The following UBR4 variants were observed in gnomAD, a reference collection of about 807,000 sequenced individuals.
UBR4 encodes the protein ubiquitin protein ligase E3 component n-recognin 4.
In UBR4, 124 loss-of-function variants were observed where a neutral mutation model predicts 575.6. That is an observed-to-expected ratio of 0.22 (90% CI 0.19 to 0.25). UBR4 has a LOEUF of 0.25. UBR4 is among the 10% of genes least tolerant of loss of function. The pLI, the probability that UBR4 is intolerant of heterozygous loss-of-function variation, is 1.00. For missense variants in UBR4, 4,818 were observed against 6,478.8 expected (o/e 0.74, Z 8.80); for synonymous variants, 2,455 against 2,473.7 (o/e 0.99, Z 0.22).
At position 19,127,639 on chromosome 1, in the gene UBR4, T is replaced by C. The variant is rs1243876853; in HGVS notation, c.9212A>G (p.Lys3071Arg). The C allele has an allele frequency of 1.2e-6, 2 of 1,614,122 alleles. No individual in the cohort carries two copies. The highest frequency in any genetic ancestry group is 1.7e-6 in the Non-Finnish European group (2 of 1,179,984). ...CAAAAATACCTCACATATGGAAGAC[T>C]TGGATCCAGATTTGGTGCGGGACAT... ...VFMSRTKSGS[K>R]SSICESSSLI... The change falls in exon 63 of 106, where the codon AAG becomes AGG. Residue 3071 changes from lysine to arginine, a missense_variant. By Grantham distance (26) the Lys-to-Arg change is conservative. Coordinates refer to ENST00000375254, the MANE Select transcript of UBR4 (RefSeq NM_020765.3).
Position 19,093,298 on chromosome 1 carries a change from G to A in UBR4, c.14111+15C>T, listed in dbSNP as rs201673365. The A allele has an allele frequency of 6.5e-5, 104 of 1,610,386 alleles. No homozygotes were observed. Among genetic ancestry groups the A allele is most frequent in the African/African-American group, 2.0e-4 (15 of 74,920 alleles). On this transcript the variant is annotated intron_variant, in intron 96 of 105. Transcript: ENST00000375254. The surrounding 1 kb of genome is among the most constrained non-coding windows in gnomAD (Gnocchi z 4.8). Reference sequence around the variant, plus strand: ...AGCGAAGGCAAAGCAGCCCCGCTGCGGGAGGGCTTCATACTTCTTGGCGCT... The same window carrying A: ...AGCGAAGGCAAAGCAGCCCCGCTGCAGGAGGGCTTCATACTTCTTGGCGCT...
In UBR4 at chr1:19,117,846, T is replaced by A. The variant is rs574807232; in HGVS notation, c.10606A>T (p.Asn3536Tyr). The A allele has an allele frequency of 6.2e-7, 1 of 1,614,192 alleles. No individual in the cohort carries two copies. The highest frequency in any genetic ancestry group is 1.3e-5 in the African/African-American group (1 of 75,040). ...YLESDPCLVC[N>Y]NPEVPFCYIK... ...ACACAGAACGGTACTTCCGGGTTAT[T>A]ACACACCAGGCAGGGATCGCTCTCC... The change falls in exon 72 of 106, where the codon AAT becomes TAT. Residue 3536 changes from asparagine (N) to tyrosine (Y), a missense_variant. This residue lies in a region of UBR4 where 550 missense variants were observed against 791.5 expected (regional missense o/e 0.69). Coordinates refer to ENST00000375254, the MANE Select transcript of UBR4 (RefSeq NM_020765.3). The surrounding 1 kb of genome is among the most constrained non-coding windows in gnomAD (Gnocchi z 4.0).
Position 19,110,330 on chromosome 1 carries a change from G to A in UBR4, c.11977+50C>T. The A allele has an allele frequency of 6.2e-7, 1 of 1,613,698 alleles. No homozygotes were observed. The highest frequency in any genetic ancestry group is 8.5e-7 in the Non-Finnish European group (1 of 1,179,738). On this transcript the variant is annotated intron_variant, in intron 80 of 105. Coordinates refer to ENST00000375254, the MANE Select transcript of UBR4 (RefSeq NM_020765.3). This position sits in a 1 kb window ranked among gnomAD's most constrained non-coding sequence, Gnocchi z 4.5. ...CCTCCTCCCCTCCCAGTCCGGCCAG[G>A]ACTGCTCCTTTGAGCCTCCTTTCCT... is the stretch of plus-strand genomic sequence containing the variant.
At chr1:19,096,267 G>T (rs1208883034) in intron 92 of UBR4, among the ~76,000 whole-genome samples, 3 of 152,142 alleles carry the variant, frequency 2.0e-5, no homozygotes, top group African/African-American at 7.2e-5. Flanking sequence ...GTTAACACAA[G>T]TGCAGCTATT....
chr1:19,156,245 A>G (rs372251012), intron 42 of UBR4, 26 bp downstream of exon 42: 92 of 1,611,394 alleles, frequency 5.7e-5, no homozygotes, highest in Non-Finnish European at 7.3e-5. Context: ...TTCTAGGACC[A>G]TATCATCAAA....
intron 90 of UBR4, among the ~76,000 whole-genome samples, chr1:19,099,301 C>A (rs2078379705): frequency 6.6e-6 from 1 of 152,204 alleles, no homozygotes; most frequent in East Asian, 1.9e-4. Flanking sequence ...AGCACAGAGC[C>A]TCCTTCGACA....
At chr1:19,197,375 T>C in intron 7 of UBR4, 110 bp from the exon 8 acceptor site, 1 of 1,468,116 alleles carries the variant, frequency 6.8e-7, no homozygotes, top group Admixed American at 1.9e-5. Flanking sequence ...ACGCCTATAA[T>C]TCCGACACTT....
intron 9 of UBR4, 38 bp downstream of exon 9, chr1:19,193,392 TGAA>T: frequency 6.2e-7 from 1 of 1,606,080 alleles, no homozygotes; most frequent in Admixed American, 1.7e-5. Context: ...CTCCCTCATT[TGAA>T]CAATCAAGGT....
At chr1:19,171,508 G>A (rs1391938611) in intron 25 of UBR4, among the ~76,000 whole-genome samples, 2 of 152,154 alleles carry the variant, frequency 1.3e-5, no homozygotes, top group African/African-American at 4.8e-5. Context: ...GACAAGGTTA[G>A]TTAAGTCTGA....
At position 19,093,605 on chromosome 1, in the gene UBR4, GACA is replaced by G. The variant is rs1475917654; in HGVS notation, c.13938-122_13938-120del. On this transcript the variant is annotated intron_variant, in intron 95 of 105. Coordinates refer to ENST00000375254, the MANE Select transcript of UBR4 (RefSeq NM_020765.3). This position sits in a 1 kb window ranked among gnomAD's most constrained non-coding sequence, Gnocchi z 4.8. ...AGATCAAGGCTAAATTCCCTAACGT[GACA>G]CAAAGACCTATCTGCCCCGGCTCCT... 10 of 1,125,344 alleles carry G rather than the reference GACA, an allele frequency of 8.9e-6. No homozygotes were observed. Among genetic ancestry groups the G allele is most frequent in the African/African-American group, 1.6e-5 (1 of 63,744 alleles). The allele number at this position is 1,125,344 out of a possible 1,614,324, so 69.7% of individuals were successfully genotyped here.
At chr1:19,131,405 A>C (rs2082437683) in intron 60 of UBR4, among the ~76,000 whole-genome samples, 1 of 152,194 alleles carries the variant, frequency 6.6e-6, no homozygotes, top group East Asian at 1.9e-4. Flanking sequence ...TAATTCATTA[A>C]CCAATTATTT....
Position 19,128,171 on chromosome 1 carries a change from C to T in UBR4, c.9111+40G>A, listed in dbSNP as rs993998563. ...ATGGGAACCTGAGAAAGGATCTCAG[C>T]CAATCCTGTTTCTCACACAGTCTGC... On this transcript the variant is annotated intron_variant, in intron 62 of 105. Transcript: ENST00000375254. The T allele has an allele frequency of 7.6e-6, 12 of 1,577,198 alleles. No homozygotes were observed. In the Admixed American group the frequency reaches 1.7e-4, roughly 22 times the overall value.
At chr1:19,102,237 C>A (rs565942345) in intron 87 of UBR4, among the ~76,000 whole-genome samples, 1 of 152,074 alleles carries the variant, frequency 6.6e-6, no homozygotes, top group Non-Finnish European at 1.5e-5. Flanking sequence ...TGGTGGCACA[C>A]GCCTATAGTC....
intron 60 of UBR4, among the ~76,000 whole-genome samples, chr1:19,135,184 T>C (rs2083059871): frequency 6.6e-6 from 1 of 152,212 alleles, no homozygotes; most frequent in East Asian, 1.9e-4. Flanking sequence ...CTTTCCTCCA[T>C]TGTACCTAAG....
chr1:19,154,813 AAAT>A, intron 44 of UBR4, 102 bp downstream of exon 44: 3 of 1,508,816 alleles, frequency 2.0e-6, no homozygotes, highest in Non-Finnish European at 2.7e-6. Flanking sequence ...TGGCTGGAGA[AAAT>A]TAAGTTTCAC....
Position 19,117,719 on chromosome 1 carries a change from A to AC in UBR4, c.10629+103dup. On this transcript the variant is annotated intron_variant, in intron 72 of 105. Transcript: ENST00000375254. The surrounding 1 kb of genome is among the most constrained non-coding windows in gnomAD (Gnocchi z 4.0). ...TAAAAATTCCTACTATCGGTGACCA[A>AC]CCATTAGGAGAGGAACATCTATGTG... is the stretch of plus-strand genomic sequence containing the variant. 1.7e-6 allele frequency: 2 copies of AC among 1,184,278 alleles called. No individual in the cohort carries two copies. Among genetic ancestry groups the AC allele is most frequent in the East Asian group, 4.7e-5 (2 of 42,692 alleles). 73.4% of individuals were successfully genotyped at this position (1,184,278 alleles called of 1,614,324 possible).
At chr1:19,168,402 C>G (rs550383380) in intron 27 of UBR4, among the ~76,000 whole-genome samples, 1 of 152,134 alleles carries the variant, frequency 6.6e-6, no homozygotes, top group Non-Finnish European at 1.5e-5. Flanking sequence ...TTAAATGCAA[C>G]GAATATCCAA....
intron 30 of UBR4, 59 bp downstream of exon 30, chr1:19,165,597 T>A: frequency 6.5e-7 from 1 of 1,529,990 alleles, no homozygotes; most frequent in Non-Finnish European, 9.0e-7. Flanking sequence ...CATATATAGC[T>A]CCTTGCTTTC....
At position 19,113,744 on chromosome 1, in the gene UBR4, AC is replaced by A; in HGVS notation, c.11411del (p.Cys3804LeufsTer93). ...CATCAAAAGAGTTCTTGCAGTCTCC[AC>A]AATACTCCTGAGCCAACTGCAGGAT... The part of the protein sequence containing the change: ...RYILQLAQEY[C>X]GDCKNSFDEL... On this transcript the variant is annotated frameshift_variant, in exon 77 of 106. Transcript: ENST00000375254. LOFTEE classifies it high-confidence loss of function. The A allele has an allele frequency of 6.2e-7, 1 of 1,614,222 alleles. No homozygotes were observed. Among genetic ancestry groups the A allele is most frequent in the Non-Finnish European group, 8.5e-7 (1 of 1,180,030 alleles).
Sources: gnomAD v4.1 joint callset for allele counts (sites outside exome capture counted in the v4.1 genomes callset) on GRCh38, gnomAD v4.1.1 for gene constraint, gnomAD v4.1.1 regional missense constraint, Gnocchi (gnomAD v3.1) non-coding constraint, MANE v1.5 for transcripts, NCBI Gene and HGNC (gene_info 2026-07-23, HGNC 2026-07-21) for gene names.